Variants in COL5A2 observed in about 807,000 individuals in gnomAD.
COL5A2 encodes the protein collagen alpha-2(V) chain.
COL5A2 carries 23 observed loss-of-function variants against 208.2 expected under a neutral mutation model. That is an observed-to-expected ratio of 0.11 (90% CI 0.08 to 0.16). COL5A2 has a LOEUF of 0.16. Among genes scored for constraint, COL5A2 ranks in the 10% least tolerant of loss-of-function variants. The pLI is 1.00. For synonymous variants in COL5A2, 625 were observed against 628.5 expected (o/e 0.99, Z 0.08); for missense variants, 1,590 against 1,956.4 (o/e 0.81, Z 3.53).
intron 1 of COL5A2, among the ~76,000 whole-genome samples, chr2:189,162,428 C>T (rs1313306113): frequency 3.3e-5 from 5 of 152,102 alleles, no homozygotes; most frequent in Non-Finnish European, 7.4e-5. Flanking sequence ...TTTAATAAAA[C>T]GTTGAATTTG....
chr2:189,055,670 G>T (rs866399472), intron 35 of COL5A2, among the ~76,000 whole-genome samples: 5 of 152,150 alleles, frequency 3.3e-5, no homozygotes, highest in Non-Finnish European at 7.4e-5. Flanking sequence ...GAGAAAACAT[G>T]TTATTCATTT....
chr2:189,044,627 T>A (rs1462135880), intron 47 of COL5A2, among the ~76,000 whole-genome samples: 1 of 152,178 alleles, frequency 6.6e-6, no homozygotes, highest in Non-Finnish European at 1.5e-5. Context: ...AAAGTATAAT[T>A]GTTCTTTTTG....
intron 1 of COL5A2, among the ~76,000 whole-genome samples, chr2:189,219,452 C>T (rs1689320184): frequency 6.6e-6 from 1 of 152,024 alleles, no homozygotes; most frequent in African/African-American, 2.4e-5. Context: ...GTAGTTCTTT[C>T]CTTATAGAGA....
intron 13 of COL5A2, 48 bp from the exon 14 acceptor site, chr2:189,080,079 C>A (rs1243374145): frequency 6.8e-7 from 1 of 1,461,648 alleles, no homozygotes. Flanking sequence ...TTTTTTCAAT[C>A]CTCAAAGGCA....
chr2:189,425,355 T>C, the COL5A2 span, among the ~76,000 whole-genome samples: 4 of 152,292 alleles, frequency 2.6e-5, no homozygotes, highest in South Asian at 2.1e-4. Flanking sequence ...ACTGGGTATA[T>C]AGCCAAAGAA....
the COL5A2 span, among the ~76,000 whole-genome samples, chr2:189,420,359 T>C: frequency 6.6e-6 from 1 of 152,156 alleles, no homozygotes; most frequent in Non-Finnish European, 1.5e-5. Context: ...CAGTGACATG[T>C]AATCAAGAAT....
At chr2:189,263,752 G>T in the COL5A2 span, among the ~76,000 whole-genome samples, 1 of 152,032 alleles carries the variant, frequency 6.6e-6, no homozygotes, top group Non-Finnish European at 1.5e-5. Flanking sequence ...ATACCATTGT[G>T]TTACAGTTGC....
chr2:189,062,783 T>G, intron 29 of COL5A2, 82 bp downstream of exon 29: 1 of 1,521,504 alleles, frequency 6.6e-7, no homozygotes, highest in Non-Finnish European at 9.1e-7. Flanking sequence ...AACTTACCCA[T>G]AAGTCTTGAA....
chr2:189,193,354 C>T (rs979407228), intron 1 of COL5A2, among the ~76,000 whole-genome samples: 8 of 152,120 alleles, frequency 5.3e-5, no homozygotes, highest in Admixed American at 2.0e-4. Flanking sequence ...CATCTAATAT[C>T]CTGCTGGGAA....
chr2:189,199,750 C>T (rs1055204076), intron 1 of COL5A2, among the ~76,000 whole-genome samples: 10 of 152,182 alleles, frequency 6.6e-5, no homozygotes, highest in Admixed American at 2.6e-4. Context: ...AAAAATACAG[C>T]GAAACAAAAT....
rs545684433 is a variant in COL5A2, at chr2:189,112,988, G to A, written c.98-2539C>T. Among the ~76,000 whole-genome samples, 4 of 152,182 alleles carry A rather than the reference G, an allele frequency of 2.6e-5. No homozygotes were observed. The South Asian group carries it at 6.2e-4, about 24-fold the overall frequency. On this transcript the variant is annotated intron_variant, in intron 1 of 53. Coordinates refer to ENST00000374866, the MANE Select transcript of COL5A2 (RefSeq NM_000393.5). ...TTTGCTCATTAAGTTTTATGATTGA[G>A]AAGGAAATATCCACTTACAAATGTT...
chr2:189,371,708 C>T, the COL5A2 span, among the ~76,000 whole-genome samples: 1 of 152,164 alleles, frequency 6.6e-6, no homozygotes, highest in Admixed American at 6.5e-5. Context: ...GGCCTAGCTG[C>T]TTCTAATAGC....
At chr2:189,417,602 T>C in the COL5A2 span, among the ~76,000 whole-genome samples, 2 of 152,126 alleles carry the variant, frequency 1.3e-5, no homozygotes, top group Non-Finnish European at 2.9e-5. Context: ...TTATGATATA[T>C]AACCTTCCCA....
rs762568232 is a variant in COL5A2 at position 189,043,122 on chromosome 2, G to A, written c.3471+29C>T. The A allele has an allele frequency of 6.6e-6, 10 of 1,510,664 alleles. No individual in the cohort carries two copies. In the Admixed American group the frequency reaches 8.5e-5, roughly 13 times the overall value. 93.6% of individuals were successfully genotyped at this position (1,510,664 alleles called of 1,614,324 possible). A position where few individuals can be genotyped will look rare whatever the true frequency, so the allele number is the denominator to read the frequency against. ...ATACCCGTGTATTTTCAACTACAGG[G>A]CAGAATAATACTTAAAGGAATAACT... On this transcript the variant is annotated intron_variant, in intron 48 of 53. Coordinates refer to ENST00000374866, the MANE Select transcript of COL5A2 (RefSeq NM_000393.5).
At chr2:189,389,115 AAATT>A in the COL5A2 span, among the ~76,000 whole-genome samples, 1 of 152,160 alleles carries the variant, frequency 6.6e-6, no homozygotes, top group Admixed American at 6.5e-5. Flanking sequence ...TTTGGAATCA[AAATT>A]AGTAACAAGT....
chr2:189,322,086 A>C, the COL5A2 span, among the ~76,000 whole-genome samples: 1 of 152,270 alleles, frequency 6.6e-6, no homozygotes, highest in Non-Finnish European at 1.5e-5. Flanking sequence ...TACTGCGTAC[A>C]TAACGAAATG....
chr2:189,375,740 T>A, the COL5A2 span, among the ~76,000 whole-genome samples: 1 of 152,214 alleles, frequency 6.6e-6, no homozygotes, highest in African/African-American at 2.4e-5. Context: ...AAAATAATGA[T>A]ATTTGAAAAT....
At chr2:189,375,020 CTT>C in the COL5A2 span, among the ~76,000 whole-genome samples, 14 of 143,832 alleles carry the variant, frequency 9.7e-5, no homozygotes, top group Admixed American at 2.1e-4. Flanking sequence ...ATTTTTATAT[CTT>C]TTTTTTTTTT....
At chr2:189,427,821 G>T in the COL5A2 span, among the ~76,000 whole-genome samples, 1 of 152,162 alleles carries the variant, frequency 6.6e-6, no homozygotes, top group African/African-American at 2.4e-5. Flanking sequence ...TTCTTTGGCT[G>T]ATTTCTCCCT....
Sources: gnomAD v4.1 joint callset for allele counts (sites outside exome capture counted in the v4.1 genomes callset) on GRCh38, gnomAD v4.1.1 for gene constraint, MANE v1.5 for transcripts, NCBI Gene and HGNC (gene_info 2026-07-23, HGNC 2026-07-21) for gene names.